PLA2G4E: variants seen among roughly 807,000 people sequenced by gnomAD.
The protein encoded by PLA2G4E is phospholipase A2 group IVE.
Under a neutral mutation model 109.1 loss-of-function variants are expected in PLA2G4E, and 84 were observed. That is an observed-to-expected ratio of 0.77 (90% CI 0.65 to 0.92). The LOEUF (loss-of-function observed/expected upper bound fraction) is 0.92. Among genes scored for constraint, PLA2G4E ranks in the 40% least tolerant of loss-of-function variants. The pLI is 0.00. For synonymous variants in PLA2G4E, 469 were observed against 436.1 expected, an observed-to-expected ratio of 1.08 and a Z score of -0.94; for missense variants, 1,057 against 1,076.6, an observed-to-expected ratio of 0.98 and a Z score of 0.25.
chr15:41,985,533 A>C (rs141162184), intron 18 of PLA2G4E, among the ~76,000 whole-genome samples: 140 of 152,344 alleles, frequency 9.2e-4, no homozygotes, highest in African/African-American at 3.2e-3. Context: ...GGCTCTACTA[A>C]GGTTATTTTT....
intron 1 of PLA2G4E, among the ~76,000 whole-genome samples, chr15:42,042,918 G>A (rs1212959143): frequency 6.6e-6 from 1 of 152,252 alleles, no homozygotes; most frequent in Admixed American, 6.5e-5. Context: ...GAAAAGGGCA[G>A]TCAAGCACCA....
At chr15:42,020,049 C>T (rs1451482185) in intron 1 of PLA2G4E, among the ~76,000 whole-genome samples, 1 of 152,214 alleles carries the variant, frequency 6.6e-6, no homozygotes. Context: ...GTGGGGAAAC[C>T]AGGGCACACC....
Position 41,997,104 on chromosome 15 carries a change from C to A in PLA2G4E, c.1110+20G>T. The A allele has an allele frequency of 6.5e-7, 1 of 1,548,802 alleles. No individual in the cohort carries two copies. The highest frequency in any genetic ancestry group is 8.7e-7 in the Non-Finnish European group (1 of 1,145,392). ...GAAGGACCAGCTGGGCCCAGGCTGG[C>A]CACATCCCTGATTACCCACCTCGTC... is the stretch of plus-strand genomic sequence containing the variant. On this transcript the variant is annotated intron_variant, in intron 11 of 19. Coordinates refer to ENST00000399518, the Ensembl canonical transcript of PLA2G4E.
intron 18 of PLA2G4E, among the ~76,000 whole-genome samples, 170 bp from the exon 19 acceptor site, chr15:41,984,789 C>G (rs143103404): frequency 5.4e-4 from 82 of 152,302 alleles, no homozygotes; most frequent in Non-Finnish European, 9.7e-4. Context: ...ACAAAAGGCC[C>G]GAGGCAGTAG....
chr15:42,007,298 C>T (rs903162139), intron 3 of PLA2G4E, among the ~76,000 whole-genome samples: 3 of 152,174 alleles, frequency 2.0e-5, no homozygotes, highest in Non-Finnish European at 2.9e-5. Context: ...AAATAAAATA[C>T]ACACCCAAAG....
At chr15:42,034,349 G>A (rs1414215601) in intron 1 of PLA2G4E, among the ~76,000 whole-genome samples, 1 of 152,240 alleles carries the variant, frequency 6.6e-6, no homozygotes. Flanking sequence ...TTATTTTGGA[G>A]AATATGAAGA....
chr15:42,031,146 T>A (rs561841978), intron 1 of PLA2G4E, among the ~76,000 whole-genome samples: 6 of 152,054 alleles, frequency 3.9e-5, no homozygotes, highest in Admixed American at 1.3e-4. Flanking sequence ...TAAAAAAAAA[T>A]TTGGTAGAGT....
chr15:41,999,041 C>A (rs971216804), intron 10 of PLA2G4E: 2 of 131,336 alleles, frequency 1.5e-5, no homozygotes, highest in East Asian at 4.0e-4. Context: ...GACAGTGAGA[C>A]TCCATTTCAA....
chr15:42,006,134 G>A lies in PLA2G4E; in HGVS notation c.394-13C>T. The A allele has an allele frequency of 1.2e-6, 2 of 1,613,270 alleles. No individual in the cohort carries two copies. Among genetic ancestry groups the A allele is most frequent in the South Asian group, 2.2e-5 (2 of 90,978 alleles). On this transcript the variant is annotated splice_polypyrimidine_tract_variant and intron_variant, in intron 3 of 19. Coordinates refer to ENST00000399518, the Ensembl canonical transcript of PLA2G4E. ...ACTCTAGCACGTTCTAGGGGAGAAG[G>A]AAGGATGCCAGTCTGGTTACCACGG...
chr15:42,002,628 C>A (rs1471134178), intron 6 of PLA2G4E, 26 bp downstream of exon 6: 6 of 1,572,116 alleles, frequency 3.8e-6, no homozygotes, highest in Non-Finnish European at 5.2e-6. Flanking sequence ...GCCTCTGGAG[C>A]TACAGGAACC....
At position 41,992,805 on chromosome 15, in the gene PLA2G4E, G is replaced by A. The variant is rs1433677343; in HGVS notation, c.1402C>T (p.Gln468Ter). The A allele has an allele frequency of 6.2e-7, 1 of 1,613,706 alleles. No individual in the cohort carries two copies. The highest frequency in any genetic ancestry group is 1.7e-5 in the Admixed American group (1 of 60,018). The change falls in exon 13 of 20, where the codon CAG (glutamine) becomes TAG (stop). Residue 468 changes from glutamine (Q) to a stop codon, truncating the protein, a stop_gained. Transcript: ENST00000399518. LOFTEE classifies it high-confidence loss of function. ...GTAAAGGTGACCCTGTAGCCTTCCT[G>A]GCTGCGCTGCCGGAGCTCCTCCTGG...
intron 2 of PLA2G4E, among the ~76,000 whole-genome samples, chr15:42,011,449 A>G (rs1362850902): frequency 6.6e-6 from 1 of 152,264 alleles, no homozygotes; most frequent in Non-Finnish European, 1.5e-5. Context: ...AGGGCTGGGC[A>G]TAGTGGTTCA....
At chr15:41,986,242 C>A (rs943943699) in intron 17 of PLA2G4E, among the ~76,000 whole-genome samples, 3 of 152,144 alleles carry the variant, frequency 2.0e-5, no homozygotes, top group Admixed American at 6.5e-5. Context: ...TAAGACCACC[C>A]CATAAATAGT....
At chr15:41,989,832 G>GTC (rs1056444945) in intron 14 of PLA2G4E, among the ~76,000 whole-genome samples, 12 of 152,020 alleles carry the variant, frequency 7.9e-5, no homozygotes, top group African/African-American at 2.9e-4. Flanking sequence ...GCTCTCTCGA[G>GTC]TCTCTCTCTC....
intron 2 of PLA2G4E, chr15:42,010,302 C>G (rs187479945): frequency 8.4e-6 from 3 of 355,944 alleles, no homozygotes; most frequent in African/African-American, 6.5e-5. Context: ...TCCTGTCATT[C>G]GTCCATGCCT....
In PLA2G4E at chr15:41,992,290, T is replaced by C. The variant is rs1389373080; in HGVS notation, c.1470+447A>G. ...CCCGTTCTGGGAGACGCGGGACTCC[T>C]GTGACAGCCAGCTTTGGCTGGAGGA... On this transcript the variant is annotated intron_variant, in intron 13 of 19. Coordinates refer to ENST00000399518, the Ensembl canonical transcript of PLA2G4E. 2.0e-5 allele frequency among the ~76,000 whole-genome samples: 3 copies of C among 152,244 alleles called. No homozygotes were observed. The East Asian group carries it at 5.8e-4, about 29-fold the overall frequency.
chr15:42,008,276 C>T (rs980629188), intron 2 of PLA2G4E, among the ~76,000 whole-genome samples: 28 of 152,216 alleles, frequency 1.8e-4, no homozygotes, highest in Non-Finnish European at 1.2e-4. Flanking sequence ...TAGGGCCAAG[C>T]ACTCCCTCTG....
rs569530490 is a variant in PLA2G4E at position 42,013,858 on chromosome 15, T to A, written c.184-101A>T. The A allele has an allele frequency of 1.2e-4, 95 of 764,312 alleles. No individual in the cohort carries two copies. In the African/African-American group the frequency reaches 1.6e-3, roughly 13 times the overall value. The allele number at this position is 764,312 out of a possible 1,614,324, so 47.3% of individuals were successfully genotyped here. Reference sequence around the variant, plus strand: ...CTATGCCTCCTCAGGCCGGCCCAGTTGCATTACAACAACCCCTAGGCTGGT... The same window carrying A: ...CTATGCCTCCTCAGGCCGGCCCAGTAGCATTACAACAACCCCTAGGCTGGT... On this transcript the variant is annotated intron_variant, in intron 1 of 19. Transcript: ENST00000399518.
Position 42,002,287 on chromosome 15 carries a change from A to T in PLA2G4E, c.609+367T>A, listed in dbSNP as rs2457509. ...CTCAAAAAAAAAAAAAAAAAAAAAA[A>T]GGTAAACTGTGCTTGTAGAATTACT... On this transcript the variant is annotated intron_variant, in intron 6 of 19. Coordinates refer to ENST00000399518, the Ensembl canonical transcript of PLA2G4E. Among the ~76,000 whole-genome samples the T allele has an allele frequency of 8.8e-3, 1,234 of 140,884 alleles. 40 individuals carry two copies. Among genetic ancestry groups the T allele is most frequent in the African/African-American group, 0.033 (1,163 of 35,722 alleles). The allele number at this position is 140,884 out of a possible 152,430, so 92.4% of individuals were successfully genotyped here.
Sources: gnomAD v4.1 joint callset for allele counts (sites outside exome capture counted in the v4.1 genomes callset) on GRCh38, gnomAD v4.1.1 for gene constraint, MANE v1.5 for transcripts, NCBI Gene and HGNC (gene_info 2026-07-23, HGNC 2026-07-21) for gene names.